Variants in MGAT4C observed in about 807,000 individuals in gnomAD.
The protein encoded by MGAT4C is alpha-1,3-mannosyl-glycoprotein 4-beta-N-acetylglucosaminyltransferase C.
Under a neutral mutation model 40.1 loss-of-function variants are expected in MGAT4C, and 19 were observed. The observed-to-expected ratio is 0.47, with a 90% CI of 0.33 to 0.70. The LOEUF is 0.70. Ranked by LOEUF, MGAT4C falls within the 30% of genes least tolerant of loss-of-function variation. The probability of loss-of-function intolerance (pLI) is 0.02; values close to 1 mark genes in which losing one functional copy is unlikely to be tolerated. For missense variants in MGAT4C, 491 were observed against 563.2 expected (o/e 0.87, Z 1.30); for synonymous variants, 181 against 187.1 (o/e 0.97, Z 0.27).
intron 2 of MGAT4C, among the ~76,000 whole-genome samples, chr12:86,042,867 C>CAA (rs140809256): frequency 3.0e-3 from 323 of 107,860 alleles, no homozygotes; most frequent in South Asian, 9.3e-3. Context: ...GACTCTGTCT[C>CAA]AAAAAAAAAA....
intron 3 of MGAT4C, among the ~76,000 whole-genome samples, chr12:86,394,154 G>T (rs1245568632): frequency 6.6e-6 from 1 of 152,150 alleles, no homozygotes; most frequent in Non-Finnish European, 1.5e-5. Flanking sequence ...AGAGAAGAGG[G>T]AAGGATTACT....
At chr12:86,107,477 A>C (rs954405582) in intron 1 of MGAT4C, among the ~76,000 whole-genome samples, 1 of 152,230 alleles carries the variant, frequency 6.6e-6, no homozygotes, top group African/African-American at 2.4e-5. Context: ...CAAACAAAAT[A>C]TAACAGAATA....
intron 3 of MGAT4C, among the ~76,000 whole-genome samples, chr12:86,422,536 G>C (rs566040319): frequency 6.6e-6 from 1 of 152,092 alleles, no homozygotes; most frequent in African/African-American, 2.4e-5. Context: ...GTAAGAATGT[G>C]CTGTAGACTA....
At chr12:86,343,958 C>T (rs986904926) in intron 3 of MGAT4C, among the ~76,000 whole-genome samples, 2 of 152,112 alleles carry the variant, frequency 1.3e-5, no homozygotes, top group African/African-American at 4.8e-5. Flanking sequence ...TGAATCCACA[C>T]AGAGATAACC....
intron 2 of MGAT4C, among the ~76,000 whole-genome samples, chr12:86,578,816 T>C (rs2136431137): frequency 6.6e-6 from 1 of 151,828 alleles, no homozygotes; most frequent in Middle Eastern, 3.4e-3. Context: ...TTTTGTTTCA[T>C]TGATCTTTTG....
chr12:86,197,496 CAT>C (rs144137265), intron 1 of MGAT4C, among the ~76,000 whole-genome samples: 5,273 of 152,222 alleles, frequency 0.035, 320 homozygotes, highest in African/African-American at 0.12. Flanking sequence ...AAAAGGAACT[CAT>C]AGTTCTCTTG....
intron 2 of MGAT4C, among the ~76,000 whole-genome samples, chr12:86,441,325 ATTT>A (rs35057057): frequency 1.7e-4 from 25 of 149,584 alleles, no homozygotes; most frequent in Non-Finnish European, 3.5e-4. Context: ...CAACCAACTG[ATTT>A]TTTTTATTAT....
At chr12:86,482,789 C>T (rs1043426236) in intron 2 of MGAT4C, among the ~76,000 whole-genome samples, 38 of 152,060 alleles carry the variant, frequency 2.5e-4, no homozygotes, top group African/African-American at 8.9e-4. Flanking sequence ...TGATACAACG[C>T]ATAATTTTCT....
chr12:85,976,374 CT>C lies in MGAT4C; in HGVS notation c.*2914del, dbSNP rs1164297279. 6.6e-6 allele frequency: 1 copy of C among 150,914 alleles called. No individual in the cohort carries two copies. Among genetic ancestry groups the C allele is most frequent in the Non-Finnish European group, 1.5e-5 (1 of 67,214 alleles). The allele number at this position is 150,914 out of a possible 1,614,324, so 9.3% of individuals were successfully genotyped here. ...TTTATATTGACATTTGTGATTGCCA[CT>C]AAAATGTGTATTTTCTAAATTTCAT... On this transcript the variant is annotated 3_prime_UTR_variant, in exon 5 of 5. Coordinates refer to ENST00000611864, the MANE Select transcript of MGAT4C (RefSeq NM_001351288.2).
intron 2 of MGAT4C, among the ~76,000 whole-genome samples, chr12:86,618,741 A>G (rs1485083059): frequency 2.6e-5 from 4 of 152,258 alleles, no homozygotes; most frequent in Admixed American, 1.3e-4. Flanking sequence ...GTTAGATAGA[A>G]TAAGTTTTAA....
intron 2 of MGAT4C, among the ~76,000 whole-genome samples, chr12:86,578,169 G>A (rs1960637639): frequency 6.6e-6 from 1 of 151,808 alleles, no homozygotes; most frequent in South Asian, 2.1e-4. Flanking sequence ...CTGGGTCCAA[G>A]ATAGTCGAAT....
At chr12:86,475,150 G>C (rs950972702) in intron 2 of MGAT4C, among the ~76,000 whole-genome samples, 1 of 151,946 alleles carries the variant, frequency 6.6e-6, no homozygotes, top group Non-Finnish European at 1.5e-5. Context: ...TGTAACTTTT[G>C]ATAAACTTCT....
intron 2 of MGAT4C, among the ~76,000 whole-genome samples, chr12:86,490,594 G>A (rs1161878249): frequency 1.3e-5 from 2 of 151,866 alleles, no homozygotes; most frequent in African/African-American, 4.8e-5. Context: ...AAATGTAAAT[G>A]GACTAAATGC....
At chr12:86,538,607 T>TA (rs1959114662) in intron 2 of MGAT4C, among the ~76,000 whole-genome samples, 1 of 76,586 alleles carries the variant, frequency 1.3e-5, no homozygotes, top group South Asian at 6.3e-4. Context: ...GTGTAATACT[T>TA]CTTTTTTTTT....
rs1471293845 is a variant in MGAT4C at position 86,129,771 on chromosome 12, G to A, written c.-56-80048C>T. ...AGACGGGGTTTCACCGTTTTAGCCGGGATGGTCTCGATCTCCTGACCTCGT... is the reference window on the plus strand; with the variant it reads ...AGACGGGGTTTCACCGTTTTAGCCGAGATGGTCTCGATCTCCTGACCTCGT... On this transcript the variant is annotated intron_variant, in intron 1 of 4. Transcript: ENST00000611864. Among the ~76,000 whole-genome samples the A allele has an allele frequency of 1.8e-4, 3 of 16,272 alleles. 1 individual carries two copies. Among genetic ancestry groups the A allele is most frequent in the Non-Finnish European group, 2.8e-4 (3 of 10,888 alleles). The allele number at this position is 16,272 out of a possible 152,430, so 10.7% of individuals were successfully genotyped here.
chr12:86,787,856 T>C (rs1951959103), intron 1 of MGAT4C, among the ~76,000 whole-genome samples: 1 of 152,114 alleles, frequency 6.6e-6, no homozygotes, highest in African/African-American at 2.4e-5. Context: ...AAGCCATCCT[T>C]CCACCTCAGT....
At chr12:86,630,613 A>G (rs1782204335) in intron 2 of MGAT4C, among the ~76,000 whole-genome samples, 1 of 152,210 alleles carries the variant, frequency 6.6e-6, no homozygotes, top group Admixed American at 6.5e-5. Context: ...CAAATCAATA[A>G]AAGTAAACCA....
At position 85,969,874 on chromosome 12, in the gene MGAT4C, G is replaced by T. The variant is rs1163621273; in HGVS notation, c.*9415C>A. On this transcript the variant is annotated 3_prime_UTR_variant, in exon 5 of 5. Transcript: ENST00000611864. Reference sequence around the variant, plus strand: ...TTTTTTAATACCTCTTACCTTATATGGTTGTTTAATCTATTAAATAGACAG... The same window carrying T: ...TTTTTTAATACCTCTTACCTTATATTGTTGTTTAATCTATTAAATAGACAG... 6.6e-6 allele frequency: 1 copy of T among 151,158 alleles called. No individual in the cohort carries two copies. Among genetic ancestry groups the T allele is most frequent in the Admixed American group, 6.6e-5 (1 of 15,124 alleles). The allele number at this position is 151,158 out of a possible 1,614,324, so 9.4% of individuals were successfully genotyped here.
At chr12:86,290,032 A>G (rs1953466821) in intron 4 of MGAT4C, among the ~76,000 whole-genome samples, 1 of 151,762 alleles carries the variant, frequency 6.6e-6, no homozygotes, top group Admixed American at 6.6e-5. Context: ...AGCTAGAAGG[A>G]TTCTGAATAT....
Sources: allele counts gnomAD v4.1 joint callset (sites outside exome capture counted in the v4.1 genomes callset), GRCh38; gene constraint gnomAD v4.1.1; transcripts MANE v1.5; gene names NCBI Gene and HGNC (gene_info 2026-07-23, HGNC 2026-07-21).